The following UBE2E2 variants were observed in gnomAD, a reference collection of about 807,000 sequenced individuals.
UBE2E2 encodes ubiquitin-conjugating enzyme E2 E2.
Under a neutral mutation model 24.7 loss-of-function variants are expected in UBE2E2, and 6 were observed. The observed-to-expected ratio is 0.24, with a 90% confidence interval of 0.13 to 0.48. The LOEUF is 0.48. Ranked by LOEUF, UBE2E2 falls within the 20% of genes least tolerant of loss-of-function variation. The pLI is 0.99. For synonymous variants in UBE2E2, 104 were observed against 83.6 expected, an observed-to-expected ratio of 1.24 and a Z score of -1.33; for missense variants, 169 against 245.0, an observed-to-expected ratio of 0.69 and a Z score of 2.07.
At chr3:23,528,139 C>T (rs1297176379) in intron 4 of UBE2E2, among the ~76,000 whole-genome samples, 1 of 152,164 alleles carries the variant, frequency 6.6e-6, no homozygotes, top group Non-Finnish European at 1.5e-5. Context: ...CAGCTAGCAT[C>T]AGAAAATTAG....
chr3:23,280,940 G>A lies in UBE2E2; in HGVS notation c.227+63628G>A, dbSNP rs193269839. Reference sequence around the variant, plus strand: ...TGGGAAGTCCAAGATCAAAGTGCTGGCAGACCTGGTGTCTGGTGAGAGCAC... The same window carrying A: ...TGGGAAGTCCAAGATCAAAGTGCTGACAGACCTGGTGTCTGGTGAGAGCAC... On this transcript the variant is annotated intron_variant, in intron 3 of 5. Coordinates refer to ENST00000396703, the MANE Select transcript of UBE2E2 (RefSeq NM_152653.4). The surrounding 1 kb of genome is among the most constrained non-coding windows in gnomAD (Gnocchi z 4.3). Among the ~76,000 whole-genome samples the A allele has an allele frequency of 6.2e-4, 94 of 152,308 alleles. No homozygotes were observed. The highest frequency in any genetic ancestry group is 3.7e-3 in the Admixed American group (57 of 15,298).
chr3:23,276,515 T>C (rs1287590648), intron 3 of UBE2E2, among the ~76,000 whole-genome samples: 1 of 152,146 alleles, frequency 6.6e-6, no homozygotes, highest in Non-Finnish European at 1.5e-5. Context: ...GTTTGTAAAA[T>C]ATTAATATGC....
At chr3:23,213,671 G>A (rs570248040) in intron 2 of UBE2E2, among the ~76,000 whole-genome samples, 4 of 152,220 alleles carry the variant, frequency 2.6e-5, no homozygotes, top group Admixed American at 2.6e-4. Flanking sequence ...TGTCTTAAAA[G>A]TTCTGATGAG....
intron 3 of UBE2E2, among the ~76,000 whole-genome samples, chr3:23,234,423 A>G (rs112543093): frequency 6.6e-6 from 1 of 152,174 alleles, no homozygotes; most frequent in Non-Finnish European, 1.5e-5. Flanking sequence ...CATACATTCA[A>G]ATTCACTCAT....
At chr3:23,277,726 T>C (rs1698401952) in intron 3 of UBE2E2, among the ~76,000 whole-genome samples, 1 of 152,094 alleles carries the variant, frequency 6.6e-6, no homozygotes, top group Non-Finnish European at 1.5e-5. Flanking sequence ...AGTGAATGCT[T>C]ACTATGTGAA....
intron 3 of UBE2E2, among the ~76,000 whole-genome samples, chr3:23,253,511 T>C (rs1220486670): frequency 1.3e-5 from 2 of 152,240 alleles, no homozygotes; most frequent in African/African-American, 4.8e-5. Flanking sequence ...CCATTGCTAC[T>C]GGACTGTGAA....
chr3:23,414,512 G>A (rs1697577701), intron 3 of UBE2E2, among the ~76,000 whole-genome samples: 1 of 152,152 alleles, frequency 6.6e-6, no homozygotes, highest in South Asian at 2.1e-4. Flanking sequence ...TCCAACAATG[G>A]GGATTACAGT....
chr3:23,549,655 G>A (rs186571201), intron 5 of UBE2E2, among the ~76,000 whole-genome samples: 2 of 152,272 alleles, frequency 1.3e-5, no homozygotes, highest in Admixed American at 1.3e-4. Flanking sequence ...TGAAGGCTAT[G>A]AGTATCATTA....
In UBE2E2 at chr3:23,237,587, T is replaced by C. The variant is rs562558085; in HGVS notation, c.227+20275T>C. Among the ~76,000 whole-genome samples, 75 of 152,286 alleles carry C rather than the reference T, an allele frequency of 4.9e-4. 2 individuals carry two copies. In the South Asian group the frequency reaches 0.015, roughly 30 times the overall value. On this transcript the variant is annotated intron_variant, in intron 3 of 5. Transcript: ENST00000396703. ...ACTCTTTTATTATTAAATTAAATAA[T>C]TCATTTTTCATGTATACAACACTCA...
intron 3 of UBE2E2, among the ~76,000 whole-genome samples, chr3:23,344,350 T>C (rs985864618): frequency 2.0e-5 from 3 of 152,152 alleles, no homozygotes; most frequent in African/African-American, 4.8e-5. Flanking sequence ...AGGTCACATA[T>C]TGGGCAACCG....
chr3:23,470,947 G>A (rs996655872), intron 3 of UBE2E2, among the ~76,000 whole-genome samples: 1 of 152,100 alleles, frequency 6.6e-6, no homozygotes. Flanking sequence ...GGACAGTTAT[G>A]TTCCGACACT....
At chr3:23,270,905 A>G (rs1337975659) in intron 3 of UBE2E2, 1 of 456,178 alleles carries the variant, frequency 2.2e-6, no homozygotes, top group African/African-American at 2.0e-5. Context: ...TCTAACATTT[A>G]TGAAATCCTG....
intron 3 of UBE2E2, among the ~76,000 whole-genome samples, chr3:23,320,182 G>T (rs952728912): frequency 6.6e-6 from 1 of 152,132 alleles, no homozygotes; most frequent in South Asian, 2.1e-4. Context: ...ACATTCAGTC[G>T]CAGGTACTAC....
chr3:23,240,696 C>G (rs1284560186), intron 3 of UBE2E2, among the ~76,000 whole-genome samples: 2 of 152,114 alleles, frequency 1.3e-5, no homozygotes, highest in Non-Finnish European at 2.9e-5. Flanking sequence ...GAATTAAGCC[C>G]TTTGTATTGT....
intron 3 of UBE2E2, among the ~76,000 whole-genome samples, chr3:23,218,646 ACTT>A (rs1425960997): frequency 6.6e-6 from 1 of 152,048 alleles, no homozygotes; most frequent in Non-Finnish European, 1.5e-5. Context: ...AACTTTATAC[ACTT>A]CTTTGCTTAA....
chr3:23,445,323 A>G (rs1002214792), intron 3 of UBE2E2, among the ~76,000 whole-genome samples: 2 of 152,152 alleles, frequency 1.3e-5, no homozygotes, highest in African/African-American at 4.8e-5. Flanking sequence ...GAGACACACA[A>G]ATGCCCCTGA....
At chr3:23,404,594 T>A (rs1379784003) in intron 3 of UBE2E2, among the ~76,000 whole-genome samples, 2 of 152,242 alleles carry the variant, frequency 1.3e-5, no homozygotes, top group African/African-American at 2.4e-5. Context: ...AGGTTAAGAC[T>A]GTGTACTGAT....
At chr3:23,537,409 G>A (rs1298760302) in intron 5 of UBE2E2, among the ~76,000 whole-genome samples, 1 of 152,146 alleles carries the variant, frequency 6.6e-6, no homozygotes, top group Non-Finnish European at 1.5e-5. Context: ...TCAAGTATCG[G>A]TTACTCCAGT....
chr3:23,568,385 T>C (rs984877929), intron 5 of UBE2E2, among the ~76,000 whole-genome samples: 2 of 152,074 alleles, frequency 1.3e-5, no homozygotes, highest in African/African-American at 4.8e-5. Flanking sequence ...TAAAAATTTT[T>C]TTGAACAAAA....
Sources: gnomAD v4.1 joint callset for allele counts (sites outside exome capture counted in the v4.1 genomes callset) on GRCh38, gnomAD v4.1.1 for gene constraint, Gnocchi (gnomAD v3.1) non-coding constraint, MANE v1.5 for transcripts, NCBI Gene and HGNC (gene_info 2026-07-23, HGNC 2026-07-21) for gene names.